CTNND2: variants seen among roughly 807,000 people sequenced by gnomAD.
The protein encoded by CTNND2 is catenin delta 2, also known as catenin delta-2.
CTNND2 carries 22 observed loss-of-function variants against 144.4 expected under a neutral mutation model. The ratio of observed to expected loss-of-function variants is 0.15; its 90% CI spans 0.11 to 0.22. The LOEUF (loss-of-function observed/expected upper bound fraction) is 0.22, where lower values mean the gene tolerates loss of function less well. Among genes scored for constraint, CTNND2 ranks in the 10% least tolerant of loss-of-function variants. CTNND2 has a pLI of 1.00. For synonymous variants in CTNND2, 751 were observed against 695.6 expected, an observed-to-expected ratio of 1.08 and a Z score of -1.25; for missense variants, 1,353 against 1,618.8, an observed-to-expected ratio of 0.84 and a Z score of 2.82.
chr5:11,017,989 C>A lies in CTNND2; in HGVS notation c.3069G>T (p.Arg1023Ser). 6.2e-7 allele frequency: 1 copy of A among 1,613,336 alleles called. No homozygotes were observed. The highest frequency in any genetic ancestry group is 8.5e-7 in the Non-Finnish European group (1 of 1,179,444). The change falls in exon 18 of 22, where the codon AGG (arginine) becomes AGT (serine). Residue 1023 changes from arginine to serine, a missense_variant. Arg to Ser is a moderately radical substitution (Grantham distance 110, BLOSUM62 -1). This residue lies in a region of CTNND2 where 459 missense variants were observed against 674.3 expected (regional missense o/e 0.68). Transcript: ENST00000304623. ...CCAGCCTTACCTTTTTGTAGAGACTCCTCAGATCTCGGTACTGCCACATGC... is the reference window on the plus strand; with the variant it reads ...CCAGCCTTACCTTTTTGTAGAGACTACTCAGATCTCGGTACTGCCACATGC... ...LNSMWQYRDL[R>S]SLYKKDGWSQ...
At chr5:11,367,441 G>A (rs544298502) in intron 7 of CTNND2, among the ~76,000 whole-genome samples, 1 of 152,192 alleles carries the variant, frequency 6.6e-6, no homozygotes, top group East Asian at 1.9e-4. Flanking sequence ...CTCACACAAT[G>A]TTTTCTGGGA....
chr5:11,394,585 C>T (rs371533307), intron 6 of CTNND2, among the ~76,000 whole-genome samples: 39 of 152,286 alleles, frequency 2.6e-4, no homozygotes, highest in African/African-American at 9.4e-4. Context: ...TCTGGACCAG[C>T]TCCATGAACT....
intron 9 of CTNND2, among the ~76,000 whole-genome samples, chr5:11,283,898 G>A (rs979147123): frequency 4.6e-5 from 7 of 152,132 alleles, no homozygotes; most frequent in Admixed American, 1.3e-4. Context: ...CATGCAATGC[G>A]GACCTTGTGG....
intron 13 of CTNND2, among the ~76,000 whole-genome samples, chr5:11,114,490 A>C (rs1753347463): frequency 6.6e-6 from 1 of 152,120 alleles, no homozygotes; most frequent in African/African-American, 2.4e-5. Context: ...TACTTAATTC[A>C]AGAGCTTTTC....
chr5:11,522,506 T>C (rs977996420), intron 3 of CTNND2, among the ~76,000 whole-genome samples: 1 of 152,206 alleles, frequency 6.6e-6, no homozygotes, highest in Non-Finnish European at 1.5e-5. Flanking sequence ...CTATTATCCA[T>C]GTTAGATTTT....
chr5:11,483,794 G>A (rs1350541671), intron 3 of CTNND2, among the ~76,000 whole-genome samples: 3 of 152,162 alleles, frequency 2.0e-5, no homozygotes, highest in Admixed American at 6.5e-5. Context: ...AAGTTTAAAG[G>A]AAACTGAACT....
chr5:11,534,413 C>T (rs752781393), intron 3 of CTNND2, among the ~76,000 whole-genome samples: 27 of 152,088 alleles, frequency 1.8e-4, no homozygotes, highest in Middle Eastern at 3.4e-3. Context: ...GTCAGGAGTT[C>T]GAGACCAGCC....
chr5:11,725,560 A>G (rs758100993), intron 2 of CTNND2, among the ~76,000 whole-genome samples: 2 of 152,174 alleles, frequency 1.3e-5, no homozygotes, highest in African/African-American at 2.4e-5. Context: ...AACACATTGT[A>G]GGCCTATTAT....
chr5:11,410,976 A>G (rs1431636047), intron 5 of CTNND2, among the ~76,000 whole-genome samples: 1 of 151,514 alleles, frequency 6.6e-6, no homozygotes, highest in Admixed American at 6.6e-5. Context: ...GATTCAAGTG[A>G]TTCTCCTGCC....
intron 1 of CTNND2, among the ~76,000 whole-genome samples, chr5:11,849,288 T>G (rs1794902862): frequency 1.3e-5 from 2 of 152,076 alleles, no homozygotes; most frequent in African/African-American, 4.8e-5. Context: ...CATGATTCAA[T>G]TATCTCCCAC....
rs190548952 is a variant in CTNND2 at position 11,899,192 on chromosome 5, A to T, written c.37+4625T>A. On this transcript the variant is annotated intron_variant, in intron 1 of 21. Coordinates refer to ENST00000304623, the MANE Select transcript of CTNND2 (RefSeq NM_001332.4). ...GGTTTCTTTTTTCTCTATCATAATGACATGATGATGAGATTCATGCTCGGT... is the reference window on the plus strand; with the variant it reads ...GGTTTCTTTTTTCTCTATCATAATGTCATGATGATGAGATTCATGCTCGGT... Among the ~76,000 whole-genome samples the T allele has an allele frequency of 1.1e-4, 16 of 152,308 alleles. No homozygotes were observed. In the East Asian group the frequency reaches 3.1e-3, roughly 29 times the overall value.
chr5:11,678,301 A>G (rs577566009), intron 2 of CTNND2, among the ~76,000 whole-genome samples: 6 of 152,266 alleles, frequency 3.9e-5, no homozygotes, highest in Admixed American at 1.3e-4. Flanking sequence ...AACAAATCCG[A>G]TATCTATCAG....
In CTNND2 at chr5:10,973,548, C is replaced by T. The variant is rs777135217; in HGVS notation, c.3583G>A (p.Gly1195Ser). ...GCTGAGTAGAAGTCAACGTAGTTGC[C>T]GGTGGACTTGAGACCCAGGTGCATG... Reference protein sequence around the residue: ...YTMHLGLKSTGNYVDFYSAAR... With the variant: ...YTMHLGLKSTSNYVDFYSAAR... The change falls in exon 22 of 22, where the codon GGC becomes AGC. Residue 1195 changes from glycine (G) to serine (S), a missense_variant. Transcript: ENST00000304623. This position sits in a 1 kb window ranked among gnomAD's most constrained non-coding sequence, Gnocchi z 5.6. 17 of 1,614,058 alleles carry T rather than the reference C, an allele frequency of 1.1e-5. No individual in the cohort carries two copies. The highest frequency in any genetic ancestry group is 5.5e-5 in the South Asian group (5 of 91,068).
intron 12 of CTNND2, among the ~76,000 whole-genome samples, chr5:11,152,879 G>A (rs1757868419): frequency 6.6e-6 from 1 of 152,148 alleles, no homozygotes; most frequent in South Asian, 2.1e-4. Flanking sequence ...ACCAGGTGTG[G>A]GAAAATGGGG....
At chr5:11,057,966 G>C (rs1247562054) in intron 16 of CTNND2, among the ~76,000 whole-genome samples, 1 of 152,182 alleles carries the variant, frequency 6.6e-6, no homozygotes, top group Non-Finnish European at 1.5e-5. Context: ...GAACATAAGA[G>C]AGATGATTTA....
At chr5:11,426,367 T>G (rs1161446646) in intron 3 of CTNND2, among the ~76,000 whole-genome samples, 3 of 152,210 alleles carry the variant, frequency 2.0e-5, no homozygotes, top group Admixed American at 2.0e-4. Context: ...CTGAGACCTG[T>G]GCAGTTGCAC....
intron 2 of CTNND2, among the ~76,000 whole-genome samples, chr5:11,659,124 T>C (rs536640432): frequency 6.6e-6 from 1 of 152,132 alleles, no homozygotes; most frequent in Non-Finnish European, 1.5e-5. Context: ...CAAAATTATT[T>C]GGAAAAAAAT....
chr5:11,252,576 A>C (rs539078782), intron 9 of CTNND2, among the ~76,000 whole-genome samples: 1 of 152,354 alleles, frequency 6.6e-6, no homozygotes, highest in African/African-American at 2.4e-5. Flanking sequence ...TTCCTCACTT[A>C]ATGTTCATCA....
rs543229852 is a variant in CTNND2, at chr5:11,403,403, A to G, written c.440-6200T>C. On this transcript the variant is annotated intron_variant, in intron 5 of 21. Coordinates refer to ENST00000304623, the MANE Select transcript of CTNND2 (RefSeq NM_001332.4). ...GAACTCATCCTTTTTTATGGCTGCA[A>G]GGTCACTCAATTTCTTTACAATGGT... Among the ~76,000 whole-genome samples the G allele has an allele frequency of 1.1e-4, 16 of 152,280 alleles. No homozygotes were observed. In the South Asian group the frequency reaches 3.1e-3, roughly 30 times the overall value.
Sources: gnomAD v4.1 joint callset for allele counts (sites outside exome capture counted in the v4.1 genomes callset) on GRCh38, gnomAD v4.1.1 for gene constraint, gnomAD v4.1.1 regional missense constraint, Gnocchi (gnomAD v3.1) non-coding constraint, MANE v1.5 for transcripts, NCBI Gene and HGNC (gene_info 2026-07-23, HGNC 2026-07-21) for gene names.